Variants in KCNN2 observed in about 807,000 individuals in gnomAD.
KCNN2 encodes the protein potassium calcium-activated channel subfamily N member 2.
KCNN2 carries 24 observed loss-of-function variants against 55.5 expected under a neutral mutation model. That is an observed-to-expected ratio of 0.43 (90% CI 0.31 to 0.61). The LOEUF (loss-of-function observed/expected upper bound fraction) is 0.61. KCNN2 is among the 20% of genes least tolerant of loss of function. The probability of loss-of-function intolerance (pLI) is 0.08; values close to 1 mark genes in which losing one functional copy is unlikely to be tolerated. For missense variants in KCNN2, 754 were observed against 853.6 expected, an observed-to-expected ratio of 0.88 and a Z score of 1.45; for synonymous variants, 431 against 336.1, an observed-to-expected ratio of 1.28 and a Z score of -3.09.
intron 2 of KCNN2, among the ~76,000 whole-genome samples, chr5:114,265,797 T>C (rs1029494425): frequency 1.3e-5 from 2 of 152,150 alleles, no homozygotes; most frequent in Non-Finnish European, 2.9e-5. Flanking sequence ...CCATCACATG[T>C]GTTATATAGT....
chr5:114,430,964 A>T (rs191207397), intron 3 of KCNN2, among the ~76,000 whole-genome samples: 7 of 152,238 alleles, frequency 4.6e-5, no homozygotes, highest in Admixed American at 3.9e-4. Context: ...GTGATATAAA[A>T]GTGTTTTGTA....
At chr5:114,108,123 G>A (rs1751525833) in intron 1 of KCNN2, among the ~76,000 whole-genome samples, 1 of 151,646 alleles carries the variant, frequency 6.6e-6, no homozygotes, top group South Asian at 2.1e-4. Flanking sequence ...AGCCTCTCTA[G>A]GACAGTGTTG....
intron 2 of KCNN2, among the ~76,000 whole-genome samples, chr5:114,379,971 T>A (rs1358357272): frequency 2.7e-5 from 4 of 150,474 alleles, no homozygotes; most frequent in African/African-American, 9.7e-5. Flanking sequence ...GTATAGAAAA[T>A]TAATGTGTTA....
At chr5:114,254,095 C>CA (rs1317959297) in intron 2 of KCNN2, among the ~76,000 whole-genome samples, 2 of 151,966 alleles carry the variant, frequency 1.3e-5, no homozygotes, top group South Asian at 2.1e-4. Context: ...GATTCACTGA[C>CA]AAAAAACATT....
chr5:114,059,118 G>T (rs12523313), intron 1 of KCNN2, among the ~76,000 whole-genome samples: 24,853 of 152,112 alleles, frequency 0.16, 2,868 homozygotes, highest in East Asian at 0.41. Context: ...GAAGTGGATA[G>T]ATTCAGGACA....
intron 1 of KCNN2, among the ~76,000 whole-genome samples, chr5:114,168,682 G>A (rs1488073872): frequency 6.6e-6 from 1 of 152,088 alleles, no homozygotes; most frequent in Non-Finnish European, 1.5e-5. Context: ...ATGACATGTT[G>A]TGGTCTGTTC....
chr5:114,351,600 A>G (rs934270085), intron 2 of KCNN2, among the ~76,000 whole-genome samples: 30 of 151,754 alleles, frequency 2.0e-4, no homozygotes, highest in African/African-American at 6.8e-4. Context: ...GATGTCGTCT[A>G]TCAAGCTGAG....
At chr5:114,250,598 G>A (rs1213669495) in intron 2 of KCNN2, among the ~76,000 whole-genome samples, 1 of 152,188 alleles carries the variant, frequency 6.6e-6, no homozygotes, top group African/African-American at 2.4e-5. Context: ...CACATCTCAG[G>A]AAGTTTGATA....
intron 2 of KCNN2, among the ~76,000 whole-genome samples, chr5:114,256,035 A>T (rs1018137976): frequency 8.6e-5 from 13 of 152,034 alleles, no homozygotes; most frequent in Admixed American, 3.9e-4. Context: ...AGTGTCTATT[A>T]TTCCACACTC....
chr5:114,161,558 G>A (rs901510381), intron 1 of KCNN2, among the ~76,000 whole-genome samples: 1 of 152,158 alleles, frequency 6.6e-6, no homozygotes, highest in South Asian at 2.1e-4. Context: ...TGCCTTGCTA[G>A]ATTGGGGAAG....
At chr5:114,166,141 C>T (rs540843483) in intron 1 of KCNN2, among the ~76,000 whole-genome samples, 5 of 152,218 alleles carry the variant, frequency 3.3e-5, no homozygotes, top group African/African-American at 4.8e-5. Flanking sequence ...CCACCCTCCT[C>T]GGCCTCCCAA....
intron 1 of KCNN2, among the ~76,000 whole-genome samples, chr5:114,076,763 G>A (rs577407877): frequency 6.6e-6 from 1 of 152,188 alleles, no homozygotes; most frequent in South Asian, 2.1e-4. Flanking sequence ...GTGCGATCTC[G>A]GCTTACTGCA....
At chr5:114,127,121 G>A (rs1325774373) in intron 1 of KCNN2, among the ~76,000 whole-genome samples, 1 of 152,108 alleles carries the variant, frequency 6.6e-6, no homozygotes, top group Non-Finnish European at 1.5e-5. Flanking sequence ...ACTTTTCCAG[G>A]TGCATGGTGC....
chr5:114,085,100 C>G (rs940006849), intron 1 of KCNN2, among the ~76,000 whole-genome samples: 4 of 151,490 alleles, frequency 2.6e-5, no homozygotes, highest in African/African-American at 9.7e-5. Context: ...TAGTACCGTG[C>G]TGTCTTGATT....
chr5:114,131,069 A>T (rs1192204003), intron 1 of KCNN2, among the ~76,000 whole-genome samples: 1 of 152,090 alleles, frequency 6.6e-6, no homozygotes, highest in Non-Finnish European at 1.5e-5. Flanking sequence ...TTTTTTTTCT[A>T]AGCCATTGAA....
chr5:114,100,609 T>C (rs1024732701), intron 1 of KCNN2, among the ~76,000 whole-genome samples: 1 of 152,100 alleles, frequency 6.6e-6, no homozygotes, highest in Non-Finnish European at 1.5e-5. Flanking sequence ...TGTGTGTATG[T>C]ATGTGCTCTG....
intron 1 of KCNN2, among the ~76,000 whole-genome samples, chr5:114,110,170 C>T (rs6868359): frequency 0.21 from 32,425 of 151,914 alleles, 3,992 homozygotes; most frequent in African/African-American, 0.34. Flanking sequence ...AAATATCTAT[C>T]TTTTATAAAT....
chr5:114,371,052 G>C lies in KCNN2; in HGVS notation c.1218+7051G>C, dbSNP rs1757749278. ...AGGAGAAGTGGGCTGATTGGAGGTA[G>C]AACAGACTTACCAGTGGATAGAATG... On this transcript the variant is annotated intron_variant, in intron 2 of 7. Transcript: ENST00000673685. Among the ~76,000 whole-genome samples, 4 of 152,182 alleles carry C rather than the reference G, an allele frequency of 2.6e-5. No individual in the cohort carries two copies. The South Asian group carries it at 8.3e-4, about 31-fold the overall frequency.
chr5:114,450,116 G>A (rs1355398338), intron 3 of KCNN2, among the ~76,000 whole-genome samples: 2 of 152,190 alleles, frequency 1.3e-5, no homozygotes, highest in Non-Finnish European at 1.5e-5. Flanking sequence ...CCTCTGAGGT[G>A]CCGTGCATCC....
Sources: gnomAD v4.1 joint callset for allele counts (sites outside exome capture counted in the v4.1 genomes callset) on GRCh38, gnomAD v4.1.1 for gene constraint, MANE v1.5 for transcripts, NCBI Gene and HGNC (gene_info 2026-07-23, HGNC 2026-07-21) for gene names.